Variants in VAT1L observed in about 807,000 individuals in gnomAD.
VAT1L encodes the protein vesicle amine transport 1 like, also known as putative NADPH-dependent quinone oxidoreductase VAT1L.
Under a neutral mutation model 44.1 loss-of-function variants are expected in VAT1L, and 34 were observed. The observed-to-expected ratio is 0.77, with a 90% CI of 0.59 to 1.03. The LOEUF (loss-of-function observed/expected upper bound fraction) is 1.03, where lower values mean the gene tolerates loss of function less well. Among genes scored for constraint, VAT1L ranks in the 50% least tolerant of loss-of-function variants. VAT1L has a pLI of 0.00. For missense variants in VAT1L, 615 were observed against 538.8 expected (o/e 1.14, Z -1.40); for synonymous variants, 253 against 202.2 (o/e 1.25, Z -2.13).
At chr16:77,839,431 G>T (rs1161285986) in intron 3 of VAT1L, among the ~76,000 whole-genome samples, 1 of 150,464 alleles carries the variant, frequency 6.6e-6, no homozygotes, top group Non-Finnish European at 1.5e-5. Context: ...AGCTACTCAG[G>T]AGGCTGAGGC....
intron 8 of VAT1L, among the ~76,000 whole-genome samples, chr16:77,973,675 TAA>T (rs36095384): frequency 4.8e-5 from 7 of 145,576 alleles, no homozygotes; most frequent in South Asian, 4.4e-4. Flanking sequence ...ATCAGTTCTT[TAA>T]AAAAAAAAAA....
chr16:77,880,695 C>A (rs1372718289), intron 6 of VAT1L, among the ~76,000 whole-genome samples: 1 of 137,456 alleles, frequency 7.3e-6, no homozygotes, highest in East Asian at 2.4e-4. Flanking sequence ...GTTTGGGGTA[C>A]AAATGATCCT....
intron 7 of VAT1L, among the ~76,000 whole-genome samples, chr16:77,954,122 A>G (rs994877277): frequency 1.3e-5 from 2 of 152,224 alleles, no homozygotes; most frequent in Middle Eastern, 3.2e-3. Flanking sequence ...ATGAATAGGT[A>G]TAATTAACAG....
intron 3 of VAT1L, among the ~76,000 whole-genome samples, chr16:77,832,103 C>T (rs2016586449): frequency 6.6e-6 from 1 of 151,038 alleles, no homozygotes; most frequent in African/African-American, 2.4e-5. Context: ...GCTAGGATTA[C>T]AGGTGTGAGC....
chr16:77,865,062 CT>C (rs1475263394), intron 4 of VAT1L, among the ~76,000 whole-genome samples: 3 of 150,624 alleles, frequency 2.0e-5, no homozygotes, highest in Admixed American at 6.7e-5. Context: ...CAAGCTCCAC[CT>C]CCTGGGTTCA....
rs552130405 is a variant in VAT1L at position 77,917,809 on chromosome 16, C to A, written c.1077+33007C>A. Among the ~76,000 whole-genome samples, 11 of 152,248 alleles carry A rather than the reference C, an allele frequency of 7.2e-5. No homozygotes were observed. In the South Asian group the frequency reaches 2.3e-3, roughly 32 times the overall value. ...TAAGGAGAGTGTATGATTTCTTCTGCCTTTGAGGGGAAGATACATGATTTA... is the reference window on the plus strand; with the variant it reads ...TAAGGAGAGTGTATGATTTCTTCTGACTTTGAGGGGAAGATACATGATTTA... On this transcript the variant is annotated intron_variant, in intron 7 of 8. Coordinates refer to ENST00000302536, the MANE Select transcript of VAT1L (RefSeq NM_020927.3).
intron 7 of VAT1L, among the ~76,000 whole-genome samples, chr16:77,896,826 C>T (rs1203271430): frequency 6.6e-6 from 1 of 152,174 alleles, no homozygotes; most frequent in African/African-American, 2.4e-5. Flanking sequence ...AGAAAATGCT[C>T]GTCCTTGCCT....
rs544131255 is a variant in VAT1L at position 77,920,534 on chromosome 16, G to A, written c.1077+35732G>A. On this transcript the variant is annotated intron_variant, in intron 7 of 8. Transcript: ENST00000302536. ...AGACTGAATATCGAAATATGTATGT[G>A]TTCATATGTCAATATATGTATATGA... Among the ~76,000 whole-genome samples, 7 of 152,242 alleles carry A rather than the reference G, an allele frequency of 4.6e-5. 1 individual carries two copies. In the East Asian group the frequency reaches 1.2e-3, roughly 25 times the overall value.
chr16:77,793,836 G>C (rs17773933), intron 1 of VAT1L, among the ~76,000 whole-genome samples: 1 of 152,188 alleles, frequency 6.6e-6, no homozygotes, highest in African/African-American at 2.4e-5. Context: ...AATATGTCAC[G>C]AGGGTATAGT....
intron 7 of VAT1L, among the ~76,000 whole-genome samples, chr16:77,920,488 A>AC (rs2142493420): frequency 6.6e-6 from 1 of 152,228 alleles, no homozygotes; most frequent in African/African-American, 2.4e-5. Context: ...ATTTGAAAAC[A>AC]CCCCCTGAAT....
chr16:77,882,859 A>G lies in VAT1L; in HGVS notation c.883-1749A>G, dbSNP rs2017169532. Among the ~76,000 whole-genome samples the G allele has an allele frequency of 2.0e-5, 3 of 152,228 alleles. No homozygotes were observed. The South Asian group carries it at 6.2e-4, about 32-fold the overall frequency. On this transcript the variant is annotated intron_variant, in intron 6 of 8. Transcript: ENST00000302536. ...ATGTAAGGAATACGTTAAGTTATTTAGTGATTTCCAAACCACATGCCTCAC... is the reference window on the plus strand; with the variant it reads ...ATGTAAGGAATACGTTAAGTTATTTGGTGATTTCCAAACCACATGCCTCAC...
At chr16:77,789,703 C>A (rs544464675) in intron 1 of VAT1L, among the ~76,000 whole-genome samples, 1 of 152,154 alleles carries the variant, frequency 6.6e-6, no homozygotes, top group African/African-American at 2.4e-5. Flanking sequence ...GGGGAAAAAA[C>A]CCTGATCAGT....
At chr16:77,940,632 T>C (rs527509441) in intron 7 of VAT1L, among the ~76,000 whole-genome samples, 1 of 152,272 alleles carries the variant, frequency 6.6e-6, no homozygotes, top group South Asian at 2.1e-4. Context: ...CATGAGCCAC[T>C]GCGCCCAGCC....
rs2017194718 is a variant in VAT1L, at chr16:77,884,907, G to A, written c.1077+105G>A. ...ACTAAATGATTTTTTTCCCAGATGG[G>A]TTTGTTTTAAATGAGGGTCCTAAAA... On this transcript the variant is annotated intron_variant, in intron 7 of 8. Transcript: ENST00000302536. This position sits in a 1 kb window ranked among gnomAD's most constrained non-coding sequence, Gnocchi z 4.5. 3 of 1,283,044 alleles carry A rather than the reference G, an allele frequency of 2.3e-6. No individual in the cohort carries two copies. The highest frequency in any genetic ancestry group is 3.1e-6 in the Non-Finnish European group (3 of 968,214). The allele number at this position is 1,283,044 out of a possible 1,614,324, so 79.5% of individuals were successfully genotyped here.
intron 7 of VAT1L, among the ~76,000 whole-genome samples, chr16:77,933,625 T>C (rs2017757149): frequency 6.7e-6 from 1 of 150,090 alleles, no homozygotes; most frequent in Non-Finnish European, 1.5e-5. Flanking sequence ...AATAGGGGAG[T>C]CAGGCAAAGC....
intron 7 of VAT1L, among the ~76,000 whole-genome samples, chr16:77,942,627 C>T (rs897410448): frequency 9.9e-5 from 15 of 152,208 alleles, no homozygotes; most frequent in Admixed American, 7.2e-4. Context: ...ATTACTGACT[C>T]TCCCAACATA....
intron 7 of VAT1L, among the ~76,000 whole-genome samples, chr16:77,949,097 C>T (rs957339178): frequency 1.2e-4 from 18 of 152,020 alleles, no homozygotes; most frequent in African/African-American, 3.6e-4. Flanking sequence ...GATTGGAGCA[C>T]GAAGAAGCTG....
chr16:77,801,078 C>T (rs1272648474), intron 1 of VAT1L: 1 of 152,222 alleles, frequency 6.6e-6, no homozygotes, highest in African/African-American at 2.4e-5. Flanking sequence ...ATCTGCCCAC[C>T]TTGACCTACC....
chr16:77,976,985 T>C (rs1033488002), intron 8 of VAT1L, among the ~76,000 whole-genome samples: 1 of 152,160 alleles, frequency 6.6e-6, no homozygotes, highest in Non-Finnish European at 1.5e-5. Context: ...ACTTCAACCC[T>C]GGGGACTCTG....
Sources: allele counts gnomAD v4.1 joint callset (sites outside exome capture counted in the v4.1 genomes callset), GRCh38; gene constraint gnomAD v4.1.1; non-coding constraint Gnocchi (gnomAD v3.1); transcripts MANE v1.5; gene names NCBI Gene and HGNC (gene_info 2026-07-23, HGNC 2026-07-21).